The following CPEB3 variants were observed in gnomAD, a reference collection of about 807,000 sequenced individuals.
The protein encoded by CPEB3 is cytoplasmic polyadenylation element-binding protein 3.
In CPEB3, 20 loss-of-function variants were observed where a neutral mutation model predicts 67.2. The ratio of observed to expected loss-of-function variants is 0.30; its 90% CI spans 0.21 to 0.43. CPEB3 has a LOEUF of 0.43. Among genes scored for constraint, CPEB3 ranks in the 20% least tolerant of loss-of-function variants. The pLI is 1.00. For missense variants in CPEB3, 746 were observed against 968.6 expected, an observed-to-expected ratio of 0.77 and a Z score of 3.05; for synonymous variants, 376 against 393.1, an observed-to-expected ratio of 0.96 and a Z score of 0.51.
At position 92,240,091 on chromosome 10, in the gene CPEB3, G is replaced by C; in HGVS notation, c.260C>G (p.Pro87Arg). The change falls in exon 2 of 10, where the codon CCT becomes CGT. Residue 87 changes from proline (P) to arginine (R), a missense_variant. Coordinates refer to ENST00000265997, the MANE Select transcript of CPEB3 (RefSeq NM_014912.5). ...LLPGLSFHQP[P>R]QQPPPPQEPA... ...CTCCTGAGGCGGCGGCGGCTGCTGA[G>C]GAGGCTGATGGAAACTCAAGCCTGG... 6.3e-7 allele frequency: 1 copy of C among 1,583,070 alleles called. No individual in the cohort carries two copies. Among genetic ancestry groups the C allele is most frequent in the South Asian group, 1.1e-5 (1 of 87,610 alleles).
intron 7 of CPEB3, among the ~76,000 whole-genome samples, chr10:92,101,623 G>A (rs530454964): frequency 6.6e-6 from 1 of 152,138 alleles, no homozygotes; most frequent in African/African-American, 2.4e-5. Flanking sequence ...AAACTAGTTT[G>A]TGGCCGGGTG....
At chr10:92,188,901 A>G (rs1008014122) in intron 3 of CPEB3, among the ~76,000 whole-genome samples, 7 of 152,178 alleles carry the variant, frequency 4.6e-5, no homozygotes, top group Admixed American at 1.3e-4. Context: ...AAAATTTCCT[A>G]CAAATATCTT....
At position 92,258,628 on chromosome 10, in the gene CPEB3, ATATATATATATATATATATATATAT is replaced by A. The variant is rs1419948093; in HGVS notation, c.-11-18292_-11-18268del. On this transcript the variant is annotated intron_variant, in intron 1 of 9. Transcript: ENST00000265997. The stretch of plus-strand genomic sequence containing the variant: ...CAGACTTCAATTATATTTTTTGAAT[ATATATATATATATATATATATATAT>A]ATATATATATATATATATATATATA... Among the ~76,000 whole-genome samples the A allele has an allele frequency of 7.7e-3, 650 of 84,158 alleles. 33 individuals carry two copies. The highest frequency in any genetic ancestry group is 0.042 in the South Asian group (86 of 2,048). 55.2% of individuals were successfully genotyped at this position (84,158 alleles called of 152,430 possible). A position where few individuals can be genotyped will look rare whatever the true frequency, so the allele number is the denominator to read the frequency against.
chr10:92,160,706 C>A (rs984522198), intron 4 of CPEB3, among the ~76,000 whole-genome samples: 1 of 152,184 alleles, frequency 6.6e-6, no homozygotes. Context: ...TACTAAGGTA[C>A]AAATGACTAA....
chr10:92,143,682 C>T (rs1386577901), intron 5 of CPEB3, among the ~76,000 whole-genome samples: 1 of 152,102 alleles, frequency 6.6e-6, no homozygotes, highest in African/African-American at 2.4e-5. Flanking sequence ...TAGATCAATA[C>T]ATTTATATTT....
chr10:92,198,309 T>G (rs1849338517), intron 2 of CPEB3, among the ~76,000 whole-genome samples: 1 of 152,142 alleles, frequency 6.6e-6, no homozygotes, highest in Admixed American at 6.6e-5. Flanking sequence ...TCCCTTTAAC[T>G]TAATCTGTCA....
rs201096601 is a variant in CPEB3, at chr10:92,145,022, C to A, written c.1286G>T (p.Arg429Leu). ...ALSSGLSSPT[R>L]CQNGERVERY... ...TTCTACTCGTTCCCCATTTTGACAG[C>A]GAGTGGGAGAACTTAAGCCAGATGA... The change falls in exon 5 of 10, where the codon CGC (arginine) becomes CTC (leucine). Residue 429 changes from arginine to leucine, a missense_variant. By Grantham distance (102) the Arg-to-Leu change is moderately radical (BLOSUM62 -2). This residue lies in a region of CPEB3 where 643 missense variants were observed against 717.5 expected (regional missense o/e 0.90). Transcript: ENST00000265997. The A allele has an allele frequency of 6.2e-7, 1 of 1,614,034 alleles. No homozygotes were observed.
chr10:92,064,988 G>A (rs1842491021), intron 9 of CPEB3, among the ~76,000 whole-genome samples: 1 of 152,098 alleles, frequency 6.6e-6, no homozygotes, highest in Non-Finnish European at 1.5e-5. Flanking sequence ...ACCATACAAA[G>A]TAGTTATCAA....
At chr10:92,139,746 A>G (rs1366403840) in intron 6 of CPEB3, among the ~76,000 whole-genome samples, 2 of 152,132 alleles carry the variant, frequency 1.3e-5, no homozygotes, top group African/African-American at 4.8e-5. Context: ...TACCCCATTT[A>G]CCCTGATGTG....
rs373522649 is a variant in CPEB3 at position 92,215,739 on chromosome 10, C to CTT, written c.1006-23105_1006-23104dup. Among the ~76,000 whole-genome samples the CTT allele has an allele frequency of 9.3e-3, 924 of 99,890 alleles. 14 individuals are homozygous for CTT. Among genetic ancestry groups the CTT allele is most frequent in the Non-Finnish European group, 0.011 (586 of 53,724 alleles). The allele number at this position is 99,890 out of a possible 152,430, so 65.5% of individuals were successfully genotyped here. A position where few individuals can be genotyped will look rare whatever the true frequency, so the allele number is the denominator to read the frequency against. ...TACAGGCATGAGCCATGGCGCCTGGCTTTTTTTTTTTTTTTTTTTCTTTTT... is the reference window on the plus strand; with the variant it reads ...TACAGGCATGAGCCATGGCGCCTGGCTTTTTTTTTTTTTTTTTTTTTCTTTTT... On this transcript the variant is annotated intron_variant, in intron 2 of 9. Coordinates refer to ENST00000265997, the MANE Select transcript of CPEB3 (RefSeq NM_014912.5).
At chr10:92,208,088 A>C (rs1849881768) in intron 2 of CPEB3, among the ~76,000 whole-genome samples, 1 of 152,252 alleles carries the variant, frequency 6.6e-6, no homozygotes, top group Non-Finnish European at 1.5e-5. Context: ...TCTGATGAGC[A>C]AAAATATGTG....
chr10:92,052,819 C>A (rs1841950728), intron 9 of CPEB3, among the ~76,000 whole-genome samples: 1 of 152,186 alleles, frequency 6.6e-6, no homozygotes, highest in African/African-American at 2.4e-5. Flanking sequence ...AGCGCATGAG[C>A]TGAATCCTGA....
intron 1 of CPEB3, among the ~76,000 whole-genome samples, chr10:92,277,846 G>A (rs1365055611): frequency 3.3e-5 from 5 of 151,924 alleles, no homozygotes; most frequent in African/African-American, 9.7e-5. Flanking sequence ...AGTTGAGATC[G>A]CGCCACTGTA....
intron 2 of CPEB3, among the ~76,000 whole-genome samples, chr10:92,227,274 A>G (rs967030649): frequency 6.6e-6 from 1 of 152,216 alleles, no homozygotes. Flanking sequence ...AAGAACGTGT[A>G]AGGATTACAT....
At chr10:92,156,124 A>G (rs1847198521) in intron 4 of CPEB3, among the ~76,000 whole-genome samples, 1 of 152,184 alleles carries the variant, frequency 6.6e-6, no homozygotes. Context: ...CAGGGCATAC[A>G]GAAAAGGCAG....
At chr10:92,068,015 AT>A (rs1842621368) in intron 9 of CPEB3, among the ~76,000 whole-genome samples, 1 of 152,084 alleles carries the variant, frequency 6.6e-6, no homozygotes, top group Non-Finnish European at 1.5e-5. Flanking sequence ...GAGACTTACC[AT>A]TTTTCACATT....
intron 4 of CPEB3, among the ~76,000 whole-genome samples, chr10:92,162,964 C>A (rs1172870924): frequency 1.3e-5 from 2 of 152,148 alleles, no homozygotes; most frequent in African/African-American, 4.8e-5. Context: ...TTATCAACAT[C>A]CCCCACCATA....
intron 6 of CPEB3, among the ~76,000 whole-genome samples, chr10:92,121,380 A>T (rs1845374662): frequency 7.1e-6 from 1 of 141,690 alleles, no homozygotes; most frequent in Non-Finnish European, 1.5e-5. Flanking sequence ...TTTATATATA[A>T]TATATTATAT....
chr10:92,276,593 T>G (rs1006443803), intron 1 of CPEB3, among the ~76,000 whole-genome samples: 3 of 152,142 alleles, frequency 2.0e-5, no homozygotes, highest in African/African-American at 7.2e-5. Context: ...CTGCTGCTAT[T>G]AACATTCATG....
Sources: gnomAD v4.1 joint callset for allele counts (sites outside exome capture counted in the v4.1 genomes callset) on GRCh38, gnomAD v4.1.1 for gene constraint, gnomAD v4.1.1 regional missense constraint, MANE v1.5 for transcripts, NCBI Gene and HGNC (gene_info 2026-07-23, HGNC 2026-07-21) for gene names.